Variants in SLC67A2 observed in about 807,000 individuals in gnomAD.
The protein encoded by SLC67A2 is solute carrier family 67 member A2.
the SLC67A2 span, among the ~76,000 whole-genome samples, chr2:102,720,834 G>A: frequency 7.2e-5 from 11 of 152,180 alleles, no homozygotes; most frequent in African/African-American, 2.2e-4. Flanking sequence ...AGAAGCTAAC[G>A]GAGTAAAAGC....
the SLC67A2 span, among the ~76,000 whole-genome samples, chr2:102,720,450 T>C: frequency 5.3e-3 from 812 of 152,318 alleles, 12 homozygotes; most frequent in African/African-American, 0.018. Flanking sequence ...GTTGAGTGCT[T>C]ACTATAAGCA....
the SLC67A2 span, among the ~76,000 whole-genome samples, chr2:102,719,484 T>C: frequency 6.6e-6 from 1 of 152,206 alleles, no homozygotes; most frequent in Non-Finnish European, 1.5e-5. Context: ...ATGATAGTGT[T>C]CTACATCTCA....
the SLC67A2 span, chr2:102,731,045 G>C: frequency 3.1e-6 from 5 of 1,613,856 alleles, no homozygotes; most frequent in Non-Finnish European, 4.2e-6. Context: ...CTAGAAAAGA[G>C]TTGCAAAATG....
At chr2:102,718,965 G>A in the SLC67A2 span, 5 of 1,614,264 alleles carry the variant, frequency 3.1e-6, no homozygotes, top group Non-Finnish European at 4.2e-6. Context: ...ATGGCCATCA[G>A]CAAGCGCACC....
chr2:102,724,023 G>C, the SLC67A2 span: 3 of 895,740 alleles, frequency 3.3e-6, no homozygotes, highest in African/African-American at 3.3e-5. Flanking sequence ...GGTTTCTTTG[G>C]AAGGCAGCTA....
At chr2:102,730,604 G>A in the SLC67A2 span, among the ~76,000 whole-genome samples, 2 of 149,834 alleles carry the variant, frequency 1.3e-5, no homozygotes, top group Non-Finnish European at 3.0e-5. Context: ...GTGCAGTGGT[G>A]CGATCTCGGC....
At chr2:102,736,614 C>T in the SLC67A2 span, 8 of 1,613,638 alleles carry the variant, frequency 5.0e-6, no homozygotes, top group Non-Finnish European at 5.9e-6. Context: ...ACACAGTCAG[C>T]ACTTGCTCCC....
At chr2:102,731,340 C>T in the SLC67A2 span, among the ~76,000 whole-genome samples, 7 of 152,058 alleles carry the variant, frequency 4.6e-5, no homozygotes, top group African/African-American at 7.2e-5. Context: ...ACGTTATGGA[C>T]GCTGTATGAT....
the SLC67A2 span, among the ~76,000 whole-genome samples, chr2:102,719,362 T>C: frequency 3.9e-5 from 6 of 152,340 alleles, no homozygotes; most frequent in African/African-American, 1.4e-4. Context: ...TCTTTCACCA[T>C]TCCTATGGCT....
At chr2:102,722,459 A>T in the SLC67A2 span, among the ~76,000 whole-genome samples, 1 of 152,270 alleles carries the variant, frequency 6.6e-6, no homozygotes, top group East Asian at 1.9e-4. Flanking sequence ...CTGTAGCAGG[A>T]GATTGCATAG....
chr2:102,730,947 A>T, the SLC67A2 span: 1 of 1,251,388 alleles, frequency 8.0e-7, no homozygotes, highest in East Asian at 2.3e-5. Context: ...CTCATCCCAA[A>T]TCTATCACTT....
At chr2:102,727,124 TAA>T in the SLC67A2 span, 2 of 789,124 alleles carry the variant, frequency 2.5e-6, no homozygotes, top group East Asian at 6.2e-5. Flanking sequence ...TTTGTCAGAG[TAA>T]GTTATTTTCT....
chr2:102,717,227 G>A, the SLC67A2 span: 1 of 151,902 alleles, frequency 6.6e-6, no homozygotes, highest in Non-Finnish European at 1.5e-5. Context: ...TAGAGACGGG[G>A]TTTCACCATG....
the SLC67A2 span, among the ~76,000 whole-genome samples, chr2:102,735,846 G>GCGCACACA: frequency 6.6e-3 from 983 of 149,680 alleles, 8 homozygotes; most frequent in South Asian, 0.014. Context: ...ACGCGCGCGC[G>GCGCACACA]CACACACACA....
chr2:102,716,480 C>T, the SLC67A2 span: 1 of 152,098 alleles, frequency 6.6e-6, no homozygotes, highest in East Asian at 1.9e-4. Flanking sequence ...TTGGTCTCCT[C>T]GAAAGCACTT....
chr2:102,734,375 C>T, the SLC67A2 span, among the ~76,000 whole-genome samples: 1 of 152,236 alleles, frequency 6.6e-6, no homozygotes, highest in African/African-American at 2.4e-5. Context: ...AAACGGGCCT[C>T]AAGGGTCATC....
At chr2:102,723,117 T>C in the SLC67A2 span, among the ~76,000 whole-genome samples, 1 of 152,160 alleles carries the variant, frequency 6.6e-6, no homozygotes, top group Non-Finnish European at 1.5e-5. Context: ...CTCGCACATG[T>C]TAGGAGGGCT....
chr2:102,724,383 G>A, the SLC67A2 span, among the ~76,000 whole-genome samples: 83 of 152,228 alleles, frequency 5.5e-4, no homozygotes, highest in East Asian at 0.015. Flanking sequence ...CTGGGGAGAG[G>A]ACAAGGAGTG....
At chr2:102,719,190 G>C in the SLC67A2 span, 4 of 1,612,870 alleles carry the variant, frequency 2.5e-6, no homozygotes, top group Non-Finnish European at 3.4e-6. Flanking sequence ...TCCCTCCATG[G>C]AAAGAACCAA....
Sources: allele counts gnomAD v4.1 joint callset (sites outside exome capture counted in the v4.1 genomes callset), GRCh38; gene constraint gnomAD v4.1.1; transcripts MANE v1.5; gene names NCBI Gene and HGNC (gene_info 2026-07-23, HGNC 2026-07-21).